SPTAN1: variants seen among roughly 807,000 people sequenced by gnomAD.
The protein encoded by SPTAN1 is spectrin alpha chain, non-erythrocytic 1.
SPTAN1 carries 61 observed loss-of-function variants against 331.3 expected under a neutral mutation model. The ratio of observed to expected loss-of-function variants is 0.18; its 90% CI spans 0.15 to 0.23. SPTAN1 has a LOEUF of 0.23. SPTAN1 is among the 10% of genes least tolerant of loss of function. The pLI is 1.00. For synonymous variants in SPTAN1, 1,153 were observed against 1,173.9 expected (o/e 0.98, Z 0.36); for missense variants, 2,043 against 3,147.9 (o/e 0.65, Z 8.40).
At chr9:128,584,952 C>G in intron 18 of SPTAN1, 109 bp downstream of exon 18, 2 of 1,279,900 alleles carry the variant, frequency 1.6e-6, no homozygotes, top group Non-Finnish European at 2.3e-6. Flanking sequence ...GGGCTGAATA[C>G]CATCCCCATT....
At chr9:128,626,276 C>A (rs1486878036) in intron 48 of SPTAN1, 115 bp from the exon 49 acceptor site, 4 of 1,320,550 alleles carry the variant, frequency 3.0e-6, no homozygotes, top group Non-Finnish European at 4.3e-6. Flanking sequence ...AGCTAAGCTC[C>A]CAGCAGGCTG....
chr9:128,555,541 A>ATCCTAACCAAT, intron 1 of SPTAN1: 1 of 487,562 alleles, frequency 2.1e-6, no homozygotes, highest in Non-Finnish European at 3.1e-6. Flanking sequence ...TGTTAAACAA[A>ATCCTAACCAAT]TTGGTTAGGA....
intron 41 of SPTAN1, among the ~76,000 whole-genome samples, chr9:128,616,727 A>G (rs1407159481): frequency 6.6e-6 from 1 of 151,842 alleles, no homozygotes; most frequent in Non-Finnish European, 1.5e-5. Flanking sequence ...AGATCGCACC[A>G]CTGTACTCCA....
intron 27 of SPTAN1, among the ~76,000 whole-genome samples, chr9:128,600,901 G>C (rs1240702773): frequency 6.7e-6 from 1 of 149,354 alleles, no homozygotes; most frequent in Non-Finnish European, 1.5e-5. Context: ...GACCTCAGGT[G>C]ATCTGCCTGC....
In SPTAN1 at chr9:128,632,687, G is replaced by A. The variant is rs757162652; in HGVS notation, c.7129G>A (p.Glu2377Lys). The A allele has an allele frequency of 1.9e-5, 30 of 1,614,020 alleles. No individual in the cohort carries two copies. The highest frequency in any genetic ancestry group is 1.6e-4 in the Middle Eastern group (1 of 6,062). ...VEEGEPDPEF[E>K]AILDTVDPNR... The stretch of plus-strand genomic sequence containing the variant: ...GGAAGGGGAACCTGACCCTGAGTTC[G>A]AGGCAATCCTGGACACGGTGGATCC... The change falls in exon 55 of 57, where the codon GAG becomes AAG. Residue 2377 changes from glutamate to lysine, a missense_variant. By Grantham distance (56) the Glu-to-Lys change is moderately conservative. Transcript: ENST00000372739.
In SPTAN1 at chr9:128,633,516, T is replaced by C; in HGVS notation, c.*182T>C. 1 of 1,164,820 alleles carries C rather than the reference T, an allele frequency of 8.6e-7. No individual in the cohort carries two copies. The highest frequency in any genetic ancestry group is 1.2e-6 in the Non-Finnish European group (1 of 802,646). The allele number at this position is 1,164,820 out of a possible 1,614,324, so 72.2% of individuals were successfully genotyped here. A position where few individuals can be genotyped will look rare whatever the true frequency, so the allele number is the denominator to read the frequency against. On this transcript the variant is annotated 3_prime_UTR_variant, in exon 57 of 57. Coordinates refer to ENST00000372739, the MANE Select transcript of SPTAN1 (RefSeq NM_001130438.3). ...TCCAGTCACAATCATCATGTCACTG[T>C]GGGGACCCAGATCTGTGTCTTGAAG...
intron 19 of SPTAN1, among the ~76,000 whole-genome samples, 171 bp from the exon 20 acceptor site, chr9:128,587,435 G>T (rs1852801652): frequency 6.6e-6 from 1 of 152,188 alleles, no homozygotes; most frequent in East Asian, 1.9e-4. Context: ...CAAAAGATGA[G>T]AATCCTGAAA....
At chr9:128,554,541 A>G (rs1848442960) in intron 1 of SPTAN1, among the ~76,000 whole-genome samples, 1 of 152,232 alleles carries the variant, frequency 6.6e-6, no homozygotes, top group South Asian at 2.1e-4. Flanking sequence ...GATCTCAGGA[A>G]TAGTCCCCCA....
At position 128,605,110 on chromosome 9, in the gene SPTAN1, G is replaced by A. The variant is rs1185147138; in HGVS notation, c.3796G>A (p.Ala1266Thr). 1.2e-6 allele frequency: 2 copies of A among 1,613,828 alleles called. No individual in the cohort carries two copies. Among genetic ancestry groups the A allele is most frequent in the Non-Finnish European group, 1.7e-6 (2 of 1,179,988 alleles). ...CACAGACAATTATGGACATGATCTCGCCAGTGTCCAGGCCCTGCAACGCAA... is the reference window on the plus strand; with the variant it reads ...CACAGACAATTATGGACATGATCTCACCAGTGTCCAGGCCCTGCAACGCAA... Reference protein sequence around the residue: ...LNTDNYGHDLASVQALQRKHE... With the variant: ...LNTDNYGHDLTSVQALQRKHE... Residue 1266 changes from alanine to threonine, a missense_variant, in exon 30 of 57, where the codon GCC (alanine) becomes ACC (threonine). Transcript: ENST00000372739.
chr9:128,571,039 T>TG (rs1168190926), intron 3 of SPTAN1, among the ~76,000 whole-genome samples: 1 of 152,130 alleles, frequency 6.6e-6, no homozygotes, highest in African/African-American at 2.4e-5. Context: ...CCCAGAACTT[T>TG]GGGAGGCCAA....
Position 128,570,343 on chromosome 9 carries a change from T to A in SPTAN1, c.363+1446T>A, listed in dbSNP as rs1312576823. ...ATATATATATATATTTTTTTTTTTT[T>A]TTTTTTTTTTTGAGACGAAGTTTTG... On this transcript the variant is annotated intron_variant, in intron 3 of 56. Transcript: ENST00000372739. 5.7e-3 allele frequency among the ~76,000 whole-genome samples: 803 copies of A among 140,478 alleles called. 7 individuals are homozygous for A. Among genetic ancestry groups the A allele is most frequent in the East Asian group, 0.017 (83 of 4,808 alleles). 92.2% of individuals were successfully genotyped at this position (140,478 alleles called of 152,430 possible). A position where few individuals can be genotyped will look rare whatever the true frequency, so the allele number is the denominator to read the frequency against.
intron 45 of SPTAN1, 94 bp from the exon 46 acceptor site, chr9:128,624,234 A>G (rs1564311072): frequency 5.2e-6 from 8 of 1,527,852 alleles, no homozygotes; most frequent in Non-Finnish European, 5.4e-6. Context: ...CAAGTGGCCC[A>G]TTTTATAGAA....
chr9:128,590,641 G>A (rs765270030), intron 21 of SPTAN1, among the ~76,000 whole-genome samples: 13 of 151,322 alleles, frequency 8.6e-5, no homozygotes, highest in Non-Finnish European at 1.5e-4. Flanking sequence ...CATGTGGTCA[G>A]GAGATTGAGA....
At position 128,625,244 on chromosome 9, in the gene SPTAN1, G is replaced by A. The variant is rs528670255; in HGVS notation, c.6069+65G>A. 116 of 1,494,058 alleles carry A rather than the reference G, an allele frequency of 7.8e-5. No individual in the cohort carries two copies. In the African/African-American group the frequency reaches 1.3e-3, roughly 17 times the overall value. 92.6% of individuals were successfully genotyped at this position (1,494,058 alleles called of 1,614,324 possible). A position where few individuals can be genotyped will look rare whatever the true frequency, so the allele number is the denominator to read the frequency against. The stretch of plus-strand genomic sequence containing the variant: ...TAGCATCTGTGAGATGACTGGTGGC[G>A]TCTTTCACTGAGGCATTTATCTTCT... On this transcript the variant is annotated intron_variant, in intron 47 of 56. Transcript: ENST00000372739. The surrounding 1 kb of genome is among the most constrained non-coding windows in gnomAD (Gnocchi z 4.1).
Position 128,612,250 on chromosome 9 carries a change from A to G in SPTAN1, c.5043+4A>G. On this transcript the variant is annotated splice_donor_region_variant and intron_variant, in intron 39 of 56. Transcript: ENST00000372739. ...CTTTGACTTCTGGCTGTCTGAGGTAACACTGAGTGGTTCCTCTTCCTACCA... is the reference window on the plus strand; with the variant it reads ...CTTTGACTTCTGGCTGTCTGAGGTAGCACTGAGTGGTTCCTCTTCCTACCA... The G allele has an allele frequency of 6.2e-7, 1 of 1,614,172 alleles. No homozygotes were observed. The highest frequency in any genetic ancestry group is 8.5e-7 in the Non-Finnish European group (1 of 1,180,032).
In SPTAN1 at chr9:128,574,551, TA is replaced by T. The variant is rs1851086020; in HGVS notation, c.364-123del. The T allele has an allele frequency of 2.6e-6, 3 of 1,151,272 alleles. No homozygotes were observed. In the Admixed American group the frequency reaches 6.0e-5, roughly 23 times the overall value. 71.3% of individuals were successfully genotyped at this position (1,151,272 alleles called of 1,614,324 possible). A position where few individuals can be genotyped will look rare whatever the true frequency, so the allele number is the denominator to read the frequency against. Reference sequence around the variant, plus strand: ...TACTATTTCCTCTCAGTTTAGGGATTATCTTTTAAAAATATTTTTATTCAGC... The same window carrying T: ...TACTATTTCCTCTCAGTTTAGGGATTTCTTTTAAAAATATTTTTATTCAGC... On this transcript the variant is annotated intron_variant, in intron 3 of 56. Transcript: ENST00000372739.
Position 128,625,859 on chromosome 9 carries a change from G to A in SPTAN1, c.6160G>A (p.Val2054Ile), listed in dbSNP as rs771286283. 12 of 1,614,168 alleles carry A rather than the reference G, an allele frequency of 7.4e-6. No homozygotes were observed. The highest frequency in any genetic ancestry group is 1.6e-4 in the Middle Eastern group (1 of 6,062). Reference sequence around the variant, plus strand: ...AGATCAGCTTCTCGCCGCCAAACACGTTCAGTCCAAGGCCATCGAGGCCCG... The same window carrying A: ...AGATCAGCTTCTCGCCGCCAAACACATTCAGTCCAAGGCCATCGAGGCCCG... ...LKDQLLAAKH[V>I]QSKAIEARHA... is the part of the protein sequence containing the mutation. Residue 2054 changes from valine to isoleucine, a missense_variant, in exon 48 of 57, where the codon GTT becomes ATT. Val to Ile is a conservative substitution (Grantham distance 29). This residue lies in a region of SPTAN1 where 256 missense variants were observed against 376.4 expected (regional missense o/e 0.68). Coordinates refer to ENST00000372739, the MANE Select transcript of SPTAN1 (RefSeq NM_001130438.3). The surrounding 1 kb of genome is among the most constrained non-coding windows in gnomAD (Gnocchi z 4.1).
chr9:128,626,488 A>G lies in SPTAN1; in HGVS notation c.6377A>G (p.Asn2126Ser), dbSNP rs1474050714. 1 of 1,613,280 alleles carries G rather than the reference A, an allele frequency of 6.2e-7. No individual in the cohort carries two copies. The part of the protein sequence containing the change: ...EEDLTDPVRC[N>S]SLEEIKALRE... ...GACTTAACAGACCCCGTGCGCTGCA[A>G]CTCCTTGGAAGAAATCAAAGCTTTG... The change falls in exon 49 of 57, where the codon AAC (asparagine) becomes AGC (serine). Residue 2126 changes from asparagine to serine, a missense_variant. Asn to Ser is a conservative substitution (Grantham distance 46). Around this residue, in one of 12 missense-constraint regions of SPTAN1, gnomAD observed 256 missense variants for 376.4 expected, o/e 0.68. Coordinates refer to ENST00000372739, the MANE Select transcript of SPTAN1 (RefSeq NM_001130438.3).
intron 1 of SPTAN1, among the ~76,000 whole-genome samples, chr9:128,555,186 G>A (rs1848492426): frequency 6.6e-6 from 1 of 152,134 alleles, no homozygotes; most frequent in Admixed American, 6.6e-5. Flanking sequence ...TCCCTTGTGG[G>A]ATTTAGACGC....
Sources: allele counts gnomAD v4.1 joint callset (sites outside exome capture counted in the v4.1 genomes callset), GRCh38; gene constraint gnomAD v4.1.1; regional missense constraint gnomAD v4.1.1; non-coding constraint Gnocchi (gnomAD v3.1); transcripts MANE v1.5; gene names NCBI Gene and HGNC (gene_info 2026-07-23, HGNC 2026-07-21).